MIPOL1: variants seen among roughly 807,000 people sequenced by gnomAD.
MIPOL1 encodes mirror-image polydactyly gene 1 protein.
A neutral mutation model predicts 60.9 loss-of-function variants in MIPOL1; 57 were observed. The observed-to-expected ratio is 0.94, with a 90% confidence interval of 0.76 to 1.17. The LOEUF is 1.17. Among genes scored for constraint, MIPOL1 ranks in the 50% most tolerant of loss-of-function variants. MIPOL1 has a pLI of 0.00. For synonymous variants in MIPOL1, 179 were observed against 168.8 expected, an observed-to-expected ratio of 1.06 and a Z score of -0.47; for missense variants, 551 against 511.6, an observed-to-expected ratio of 1.08 and a Z score of -0.74.
intron 10 of MIPOL1, among the ~76,000 whole-genome samples, chr14:37,389,662 C>G (rs2093178028): frequency 6.7e-6 from 1 of 149,178 alleles, no homozygotes; most frequent in Non-Finnish European, 1.5e-5. Context: ...ATTTTTGCAG[C>G]CACTTTTATC....
At chr14:37,264,645 A>G (rs1196261626) in intron 3 of MIPOL1, among the ~76,000 whole-genome samples, 1 of 151,984 alleles carries the variant, frequency 6.6e-6, no homozygotes, top group Non-Finnish European at 1.5e-5. Context: ...AATTGTGTAG[A>G]TAGTTATAGA....
chr14:37,449,894 C>A (rs2094393039), intron 11 of MIPOL1, among the ~76,000 whole-genome samples: 1 of 152,038 alleles, frequency 6.6e-6, no homozygotes, highest in African/African-American at 2.4e-5. Flanking sequence ...CTCACTGCAA[C>A]CTTTGCCTCC....
intron 11 of MIPOL1, among the ~76,000 whole-genome samples, chr14:37,440,456 C>CT (rs2153565846): frequency 6.6e-6 from 1 of 152,162 alleles, no homozygotes; most frequent in Non-Finnish European, 1.5e-5. Flanking sequence ...TCTCTATTGT[C>CT]TATCATTCCA....
chr14:37,311,987 G>A (rs1449035261), intron 9 of MIPOL1, among the ~76,000 whole-genome samples: 1 of 150,094 alleles, frequency 6.7e-6, no homozygotes, highest in Admixed American at 6.7e-5. Context: ...ATTTTGAAGA[G>A]TACTGCTCAC....
intron 10 of MIPOL1, among the ~76,000 whole-genome samples, chr14:37,380,322 C>A (rs2153508139): frequency 6.6e-6 from 1 of 152,214 alleles, no homozygotes; most frequent in South Asian, 2.1e-4. Context: ...GAATGTCTTT[C>A]TTTACAAGCA....
chr14:37,290,325 G>A (rs540480173), intron 7 of MIPOL1, among the ~76,000 whole-genome samples: 6 of 152,088 alleles, frequency 3.9e-5, no homozygotes, highest in East Asian at 1.9e-4. Context: ...TCCCAGGTCC[G>A]AGCTATTTTC....
At chr14:37,231,671 A>T (rs1268499616) in intron 1 of MIPOL1, among the ~76,000 whole-genome samples, 2 of 152,174 alleles carry the variant, frequency 1.3e-5, no homozygotes, top group Non-Finnish European at 2.9e-5. Context: ...GCTAATGGAA[A>T]TTTCATTATA....
chr14:37,364,052 G>C (rs1334971823), intron 9 of MIPOL1, among the ~76,000 whole-genome samples: 1 of 152,216 alleles, frequency 6.6e-6, no homozygotes, highest in African/African-American at 2.4e-5. Flanking sequence ...TGCTTCCCTT[G>C]GCTAGGAAAG....
intron 1 of MIPOL1, among the ~76,000 whole-genome samples, chr14:37,218,625 G>A (rs553656583): frequency 1.3e-5 from 2 of 152,190 alleles, no homozygotes; most frequent in Admixed American, 6.5e-5. Context: ...AATGTTAAGT[G>A]AAATGGATTA....
At chr14:37,270,339 A>C in intron 5 of MIPOL1, 81 bp from the exon 6 acceptor site, 1 of 700,734 alleles carries the variant, frequency 1.4e-6, no homozygotes, top group Non-Finnish European at 2.2e-6. Context: ...ATTAAGAAAA[A>C]ACCAAAAACT....
intron 1 of MIPOL1, among the ~76,000 whole-genome samples, chr14:37,205,934 G>C (rs1474919386): frequency 1.3e-5 from 2 of 152,098 alleles, no homozygotes; most frequent in African/African-American, 4.8e-5. Flanking sequence ...ACATACATGT[G>C]CCTGAAACAC....
At chr14:37,517,455 G>A (rs890772739) in intron 12 of MIPOL1, among the ~76,000 whole-genome samples, 5 of 152,116 alleles carry the variant, frequency 3.3e-5, no homozygotes, top group Admixed American at 6.5e-5. Flanking sequence ...TGGTGAGAAC[G>A]TGAAATGGTA....
chr14:37,481,153 C>A (rs565729441), intron 11 of MIPOL1, among the ~76,000 whole-genome samples: 2 of 152,010 alleles, frequency 1.3e-5, no homozygotes, highest in African/African-American at 4.8e-5. Flanking sequence ...AGCAAAAACA[C>A]AAAAAACAAA....
chr14:37,232,028 G>A (rs944645063), intron 1 of MIPOL1, among the ~76,000 whole-genome samples: 4 of 152,076 alleles, frequency 2.6e-5, no homozygotes, highest in Admixed American at 2.0e-4. Flanking sequence ...GCTGCAGTGA[G>A]CTATGACCAC....
chr14:37,403,455 A>G (rs918008806), intron 10 of MIPOL1, among the ~76,000 whole-genome samples: 15 of 42,360 alleles, frequency 3.5e-4, no homozygotes, highest in Admixed American at 5.6e-4. Flanking sequence ...TTTTTTTTTC[A>G]AGTAGAGATG....
intron 3 of MIPOL1, among the ~76,000 whole-genome samples, chr14:37,262,016 T>C (rs2082546126): frequency 6.7e-6 from 1 of 149,264 alleles, no homozygotes. Context: ...ACTATAATGT[T>C]ATAGAAGTTC....
intron 11 of MIPOL1, among the ~76,000 whole-genome samples, chr14:37,446,854 C>A (rs941844478): frequency 6.7e-6 from 1 of 150,262 alleles, no homozygotes; most frequent in African/African-American, 2.5e-5. Context: ...TGTTCTCACT[C>A]ATAGGTGGGA....
intron 9 of MIPOL1, among the ~76,000 whole-genome samples, chr14:37,356,171 A>G (rs2091800885): frequency 6.7e-6 from 1 of 150,074 alleles, no homozygotes; most frequent in Non-Finnish European, 1.5e-5. Context: ...CTGCTGTGTG[A>G]GGTGTCAGTC....
chr14:37,286,187 A>G (rs1387038926), intron 7 of MIPOL1, among the ~76,000 whole-genome samples: 1 of 152,006 alleles, frequency 6.6e-6, no homozygotes, highest in Non-Finnish European at 1.5e-5. Context: ...TTGTTTTTTA[A>G]ATGTGAGTGA....
Sources: allele counts gnomAD v4.1 joint callset (sites outside exome capture counted in the v4.1 genomes callset), GRCh38; gene constraint gnomAD v4.1.1; transcripts MANE v1.5; gene names NCBI Gene and HGNC (gene_info 2026-07-23, HGNC 2026-07-21).